The following CBFA2T2 variants were observed in gnomAD, a reference collection of about 807,000 sequenced individuals.
CBFA2T2 encodes protein CBFA2T2.
In CBFA2T2, 11 loss-of-function variants were observed where a neutral mutation model predicts 62.2. The observed-to-expected ratio is 0.18, with a 90% CI of 0.11 to 0.29. The LOEUF is 0.29. Among genes scored for constraint, CBFA2T2 ranks in the 10% least tolerant of loss-of-function variants. The pLI is 1.00. For missense variants in CBFA2T2, 592 were observed against 774.1 expected (o/e 0.76, Z 2.79); for synonymous variants, 295 against 287.5 (o/e 1.03, Z -0.27).
At chr20:33,635,770 C>G (rs1004819280) in intron 8 of CBFA2T2, among the ~76,000 whole-genome samples, 1 of 152,080 alleles carries the variant, frequency 6.6e-6, no homozygotes, top group Non-Finnish European at 1.5e-5. Context: ...CCTAGCTACT[C>G]AAGAGGCTGA....
chr20:33,547,410 A>G (rs2012606105), intron 1 of CBFA2T2, among the ~76,000 whole-genome samples: 1 of 151,482 alleles, frequency 6.6e-6, no homozygotes. Flanking sequence ...AAAAATAAAA[A>G]TATAATAAAA....
intron 1 of CBFA2T2, among the ~76,000 whole-genome samples, chr20:33,598,229 G>A (rs1035270500): frequency 3.3e-5 from 5 of 152,050 alleles, no homozygotes; most frequent in South Asian, 4.1e-4. Flanking sequence ...GAGATAAACC[G>A]GTCTGACCAA....
chr20:33,549,402 C>T (rs147830290), intron 1 of CBFA2T2, among the ~76,000 whole-genome samples: 1 of 152,200 alleles, frequency 6.6e-6, no homozygotes, highest in East Asian at 1.9e-4. Context: ...AATGTGTATT[C>T]ATCAGTAGAA....
At chr20:33,564,070 G>A (rs971210057) in intron 1 of CBFA2T2, among the ~76,000 whole-genome samples, 3 of 151,970 alleles carry the variant, frequency 2.0e-5, no homozygotes, top group Admixed American at 6.6e-5. Flanking sequence ...TTTTTCCCCC[G>A]TGTATTACAA....
intron 1 of CBFA2T2, among the ~76,000 whole-genome samples, chr20:33,525,116 G>A (rs753114640): frequency 6.6e-6 from 1 of 152,050 alleles, no homozygotes; most frequent in Non-Finnish European, 1.5e-5. Flanking sequence ...GATTACAGGC[G>A]TAAGCCAGTG....
At chr20:33,497,983 C>G (rs961275950) in intron 1 of CBFA2T2, among the ~76,000 whole-genome samples, 1 of 152,146 alleles carries the variant, frequency 6.6e-6, no homozygotes, top group South Asian at 2.1e-4. Flanking sequence ...GAGTCCAGCC[C>G]TTCTTTGACT....
chr20:33,578,660 G>C (rs899559779), intron 1 of CBFA2T2, among the ~76,000 whole-genome samples: 8 of 152,104 alleles, frequency 5.3e-5, no homozygotes, highest in Non-Finnish European at 1.2e-4. Flanking sequence ...TGGATGACTT[G>C]GGAGCTTAAG....
chr20:33,502,798 C>G (rs2011313967), intron 1 of CBFA2T2, among the ~76,000 whole-genome samples: 2 of 148,578 alleles, frequency 1.3e-5, no homozygotes. Context: ...ATTTAGAAAT[C>G]AAGATTTGGA....
intron 1 of CBFA2T2, among the ~76,000 whole-genome samples, chr20:33,526,522 T>G (rs146899789): frequency 1.3e-5 from 2 of 152,338 alleles, no homozygotes; most frequent in East Asian, 3.9e-4. Flanking sequence ...TTGGCTATTA[T>G]AAATAAAGCC....
intron 1 of CBFA2T2, among the ~76,000 whole-genome samples, chr20:33,574,673 G>C (rs187580661): frequency 8.5e-5 from 13 of 152,322 alleles, no homozygotes; most frequent in Admixed American, 3.3e-4. Context: ...TTCTTTTTAA[G>C]CAGGGAAGCC....
At chr20:33,536,695 C>T (rs1361875180) in intron 1 of CBFA2T2, among the ~76,000 whole-genome samples, 2 of 150,812 alleles carry the variant, frequency 1.3e-5, no homozygotes, top group Admixed American at 1.3e-4. Flanking sequence ...ACCTCCCAGA[C>T]GGGGTCGCAG....
At chr20:33,623,953 G>GGAA in intron 5 of CBFA2T2, 1 of 425,668 alleles carries the variant, frequency 2.3e-6, no homozygotes. Flanking sequence ...AGAAAGAATT[G>GGAA]GAAAAAAAAA....
chr20:33,522,420 G>T (rs1172360059), intron 1 of CBFA2T2, among the ~76,000 whole-genome samples: 1 of 146,892 alleles, frequency 6.8e-6, no homozygotes, highest in African/African-American at 2.5e-5. Flanking sequence ...CAGCTCATCT[G>T]GTACTACCAA....
chr20:33,503,602 A>G (rs575028738), intron 1 of CBFA2T2, among the ~76,000 whole-genome samples: 1 of 152,154 alleles, frequency 6.6e-6, no homozygotes, highest in East Asian at 1.9e-4. Flanking sequence ...ACTAGATAGC[A>G]GTGAAATATA....
At chr20:33,580,063 C>T (rs1281842456) in intron 1 of CBFA2T2, among the ~76,000 whole-genome samples, 2 of 151,946 alleles carry the variant, frequency 1.3e-5, no homozygotes, top group East Asian at 3.9e-4. Context: ...GTGATCCATC[C>T]GCCTCGGCCT....
chr20:33,629,650 G>A lies in CBFA2T2; in HGVS notation c.1033-69G>A. On this transcript the variant is annotated intron_variant, in intron 7 of 10. Transcript: ENST00000342704. ...AACCTGAATTCCTCATATTGCGTTGGCCTGATTTACAGTGTTGGTTGTTTG... is the reference window on the plus strand; with the variant it reads ...AACCTGAATTCCTCATATTGCGTTGACCTGATTTACAGTGTTGGTTGTTTG... The A allele has an allele frequency of 2.2e-6, 3 of 1,387,716 alleles. No individual in the cohort carries two copies. The East Asian group carries it at 6.9e-5, about 32-fold the overall frequency. The allele number at this position is 1,387,716 out of a possible 1,614,324, so 86.0% of individuals were successfully genotyped here.
At chr20:33,634,697 GAA>G (rs1445153377) in intron 8 of CBFA2T2, among the ~76,000 whole-genome samples, 2 of 86,174 alleles carry the variant, frequency 2.3e-5, no homozygotes, top group East Asian at 8.4e-4. Context: ...AAAAAAAAAA[GAA>G]TCTGAATATA....
chr20:33,585,643 G>A (rs1423521366), intron 1 of CBFA2T2, among the ~76,000 whole-genome samples: 2 of 152,150 alleles, frequency 1.3e-5, no homozygotes, highest in Non-Finnish European at 2.9e-5. Flanking sequence ...CATTTTTCTA[G>A]CAGAGAAATT....
chr20:33,496,064 G>A (rs541642958), intron 1 of CBFA2T2, among the ~76,000 whole-genome samples: 21 of 152,300 alleles, frequency 1.4e-4, no homozygotes, highest in South Asian at 4.1e-4. Flanking sequence ...TGCTTTAAGC[G>A]TAAGGCTTTT....
Sources: allele counts gnomAD v4.1 joint callset (sites outside exome capture counted in the v4.1 genomes callset), GRCh38; gene constraint gnomAD v4.1.1; transcripts MANE v1.5; gene names NCBI Gene and HGNC (gene_info 2026-07-23, HGNC 2026-07-21).